The following FMNL2 variants were observed in gnomAD, a reference collection of about 807,000 sequenced individuals.
The protein encoded by FMNL2 is formin like 2.
In FMNL2, 51 loss-of-function variants were observed where a neutral mutation model predicts 130.2. The ratio of observed to expected loss-of-function variants is 0.39; its 90% confidence interval spans 0.31 to 0.49. The LOEUF (loss-of-function observed/expected upper bound fraction) is 0.49, where lower values mean the gene tolerates loss of function less well. Ranked by LOEUF, FMNL2 falls within the 20% of genes least tolerant of loss-of-function variation. The pLI is 0.85. For synonymous variants in FMNL2, 465 were observed against 467.1 expected, an observed-to-expected ratio of 1.00 and a Z score of 0.06; for missense variants, 977 against 1,316.2, an observed-to-expected ratio of 0.74 and a Z score of 3.99.
chr2:152,601,906 G>A (rs1186276790), intron 9 of FMNL2, among the ~76,000 whole-genome samples: 1 of 152,014 alleles, frequency 6.6e-6, no homozygotes, highest in Non-Finnish European at 1.5e-5. Flanking sequence ...CTGACCTCAG[G>A]TGATCCACCT....
intron 2 of FMNL2, among the ~76,000 whole-genome samples, chr2:152,525,152 T>G (rs766706604): frequency 3.9e-5 from 6 of 152,218 alleles, no homozygotes; most frequent in Admixed American, 1.3e-4. Context: ...CTTTTTCATT[T>G]GTTGCCTGTT....
At chr2:152,342,763 T>G (rs1034803709) in intron 1 of FMNL2, among the ~76,000 whole-genome samples, 3 of 152,220 alleles carry the variant, frequency 2.0e-5, no homozygotes, top group Admixed American at 1.3e-4. Context: ...GGAAGAGCTG[T>G]TAGGTTGGAG....
chr2:152,467,332 A>T (rs1157982131), intron 1 of FMNL2, among the ~76,000 whole-genome samples: 1 of 152,214 alleles, frequency 6.6e-6, no homozygotes, highest in East Asian at 1.9e-4. Flanking sequence ...CTGAAATGAA[A>T]CACACAAATC....
At chr2:152,429,117 A>G (rs577004319) in intron 1 of FMNL2, among the ~76,000 whole-genome samples, 1 of 151,938 alleles carries the variant, frequency 6.6e-6, no homozygotes, top group Non-Finnish European at 1.5e-5. Context: ...TCTGTGCAGC[A>G]AATCACCGTG....
chr2:152,454,809 G>C (rs993564725), intron 1 of FMNL2, among the ~76,000 whole-genome samples: 3 of 152,224 alleles, frequency 2.0e-5, no homozygotes, highest in Non-Finnish European at 4.4e-5. Context: ...TAATTGGTCA[G>C]AGAAAGGGCC....
At chr2:152,525,821 G>A (rs1480360093) in intron 2 of FMNL2, among the ~76,000 whole-genome samples, 2 of 152,142 alleles carry the variant, frequency 1.3e-5, no homozygotes, top group East Asian at 1.9e-4. Context: ...CAGGCCAGTG[G>A]CACTAAGAAG....
chr2:152,509,843 C>G (rs1177596375), intron 1 of FMNL2, among the ~76,000 whole-genome samples: 2 of 136,894 alleles, frequency 1.5e-5, no homozygotes, highest in Non-Finnish European at 3.1e-5. Flanking sequence ...GCTCATGGCT[C>G]AAGTGATCCT....
chr2:152,528,239 G>A (rs1054545134), intron 2 of FMNL2, among the ~76,000 whole-genome samples: 6 of 152,122 alleles, frequency 3.9e-5, no homozygotes, highest in Non-Finnish European at 2.9e-5. Context: ...GTTTTTTGTA[G>A]TTTTCTGTGC....
chr2:152,353,731 C>G lies in FMNL2; in HGVS notation c.117+18011C>G, dbSNP rs1444853967. Reference sequence around the variant, plus strand: ...AGTCAAGTTGTGGCAGTCAGGTAAGCACCTCACAAGAAGTGGTTGTTCTGA... The same window carrying G: ...AGTCAAGTTGTGGCAGTCAGGTAAGGACCTCACAAGAAGTGGTTGTTCTGA... On this transcript the variant is annotated intron_variant, in intron 1 of 25. Transcript: ENST00000288670. Among the ~76,000 whole-genome samples, 3 of 152,316 alleles carry G rather than the reference C, an allele frequency of 2.0e-5. No individual in the cohort carries two copies. The East Asian group carries it at 5.8e-4, about 29-fold the overall frequency.
At chr2:152,473,534 G>A (rs1689967032) in intron 1 of FMNL2, among the ~76,000 whole-genome samples, 1 of 152,080 alleles carries the variant, frequency 6.6e-6, no homozygotes, top group Non-Finnish European at 1.5e-5. Flanking sequence ...TACTGAGATG[G>A]TCTAATACAC....
At chr2:152,363,571 T>TC (rs1683312637) in intron 1 of FMNL2, among the ~76,000 whole-genome samples, 7 of 151,242 alleles carry the variant, frequency 4.6e-5, no homozygotes, top group African/African-American at 9.8e-5. Flanking sequence ...TCTTTTTTTT[T>TC]TCCCCCCCAA....
intron 23 of FMNL2, among the ~76,000 whole-genome samples, chr2:152,638,269 G>A (rs912381588): frequency 6.6e-6 from 1 of 152,204 alleles, no homozygotes; most frequent in African/African-American, 2.4e-5. Context: ...ATGACGCAAA[G>A]AGACATGTAT....
At chr2:152,451,201 T>A (rs756935110) in intron 1 of FMNL2, among the ~76,000 whole-genome samples, 3 of 152,086 alleles carry the variant, frequency 2.0e-5, no homozygotes, top group Non-Finnish European at 4.4e-5. Context: ...CAGGCTGGAG[T>A]GTGGTGGCAC....
intron 4 of FMNL2, among the ~76,000 whole-genome samples, chr2:152,557,269 G>A (rs570202086): frequency 3.1e-4 from 47 of 152,248 alleles, no homozygotes; most frequent in African/African-American, 1.1e-3. Context: ...AGCCCTGTTA[G>A]TTTTGTCTAG....
chr2:152,377,788 G>T (rs1429409434), intron 1 of FMNL2, among the ~76,000 whole-genome samples: 1 of 152,176 alleles, frequency 6.6e-6, no homozygotes, highest in Non-Finnish European at 1.5e-5. Flanking sequence ...TTGCAGTAAT[G>T]ACCCACTGAG....
intron 20 of FMNL2, 144 bp downstream of exon 20, chr2:152,630,049 CAGAG>C (rs1559024684): frequency 5.7e-6 from 4 of 697,352 alleles, no homozygotes; most frequent in East Asian, 2.7e-5. Context: ...CACCATTTGA[CAGAG>C]AGCACATAGA....
chr2:152,635,799 G>C (rs1682549378), intron 21 of FMNL2, among the ~76,000 whole-genome samples: 1 of 152,216 alleles, frequency 6.6e-6, no homozygotes, highest in Non-Finnish European at 1.5e-5. Context: ...GCTGTGCAAG[G>C]CTGCTTTGGG....
chr2:152,562,127 G>A (rs896754225), intron 6 of FMNL2, among the ~76,000 whole-genome samples: 1 of 152,156 alleles, frequency 6.6e-6, no homozygotes, highest in Non-Finnish European at 1.5e-5. Flanking sequence ...CTGCCTATGA[G>A]GACAGAGATA....
chr2:152,555,779 A>G (rs1332352461), intron 4 of FMNL2, among the ~76,000 whole-genome samples: 1 of 152,248 alleles, frequency 6.6e-6, no homozygotes, highest in Non-Finnish European at 1.5e-5. Context: ...AGAGTCAGAA[A>G]TAATTCAACT....
Sources: allele counts gnomAD v4.1 joint callset (sites outside exome capture counted in the v4.1 genomes callset), GRCh38; gene constraint gnomAD v4.1.1; transcripts MANE v1.5; gene names NCBI Gene and HGNC (gene_info 2026-07-23, HGNC 2026-07-21).